The following XPNPEP3 variants were observed in gnomAD, a reference collection of about 807,000 sequenced individuals.
The protein encoded by XPNPEP3 is xaa-Pro aminopeptidase 3.
Under a neutral mutation model 60.0 loss-of-function variants are expected in XPNPEP3, and 41 were observed. That is an observed-to-expected ratio of 0.68 (90% CI 0.53 to 0.89). XPNPEP3 has a LOEUF of 0.89. Among genes scored for constraint, XPNPEP3 ranks in the 40% least tolerant of loss-of-function variants. XPNPEP3 has a pLI of 0.00. For missense variants in XPNPEP3, 598 were observed against 638.9 expected (o/e 0.94, Z 0.69); for synonymous variants, 212 against 223.2 (o/e 0.95, Z 0.45).
chr22:40,907,527 T>C (rs2058161096), intron 4 of XPNPEP3, 60 bp from the exon 5 acceptor site: 1 of 1,536,834 alleles, frequency 6.5e-7, no homozygotes, highest in South Asian at 1.1e-5. Context: ...GTATTTTGAA[T>C]GTTTGAGTAA....
At chr22:40,882,267 G>A (rs967736855) in intron 3 of XPNPEP3, 90 bp downstream of exon 3, 5 of 1,393,202 alleles carry the variant, frequency 3.6e-6, no homozygotes, top group Middle Eastern at 1.9e-4. Flanking sequence ...TTTTGTTATC[G>A]TAGCACCACC....
At chr22:40,910,301 G>C (rs1403972931) in intron 6 of XPNPEP3, among the ~76,000 whole-genome samples, 3 of 152,054 alleles carry the variant, frequency 2.0e-5, no homozygotes, top group Non-Finnish European at 2.9e-5. Context: ...AGAAATAGTT[G>C]TATTACATAT....
chr22:40,857,283 C>T (rs1223658123), intron 1 of XPNPEP3, 38 bp downstream of exon 1: 3 of 1,611,974 alleles, frequency 1.9e-6, no homozygotes, highest in East Asian at 2.2e-5. Flanking sequence ...CCATGGTGTC[C>T]CCTGGAGGGA....
intron 4 of XPNPEP3, among the ~76,000 whole-genome samples, chr22:40,898,019 C>T (rs923057767): frequency 2.0e-5 from 3 of 151,778 alleles, no homozygotes; most frequent in Non-Finnish European, 4.4e-5. Context: ...CAAATATTCT[C>T]CCATTATGAG....
At chr22:40,899,827 A>G (rs576632167) in intron 4 of XPNPEP3, among the ~76,000 whole-genome samples, 1 of 146,826 alleles carries the variant, frequency 6.8e-6, no homozygotes, top group African/African-American at 2.4e-5. Context: ...CAAAAAAAAA[A>G]AAAAAAAAAA....
chr22:40,869,969 C>T, intron 2 of XPNPEP3: 1 of 454,892 alleles, frequency 2.2e-6, no homozygotes, highest in African/African-American at 2.0e-5. Flanking sequence ...GAAATATGTT[C>T]CTTTTTCACT....
intron 7 of XPNPEP3, 61 bp downstream of exon 7, chr22:40,914,385 C>A: frequency 1.4e-6 from 2 of 1,392,290 alleles, no homozygotes; most frequent in South Asian, 1.2e-5. Flanking sequence ...TGGAATATGG[C>A]TATATTTGGA....
chr22:40,920,390 G>A (rs1390367637), intron 7 of XPNPEP3, among the ~76,000 whole-genome samples: 1 of 152,016 alleles, frequency 6.6e-6, no homozygotes, highest in Non-Finnish European at 1.5e-5. Context: ...AAAAAGAAAT[G>A]AACATGAGGA....
Position 40,890,413 on chromosome 22 carries a change from G to GTGGT in XPNPEP3, c.792+3899_792+3902dup, listed in dbSNP as rs549575029. On this transcript the variant is annotated intron_variant, in intron 4 of 9. Transcript: ENST00000357137. ...AAAAATTTTTTTAAAATAGCCAAGT[G>GTGGT]TGGTGGTCCCAACTGCTTGGGAGGC... 8.3e-3 allele frequency among the ~76,000 whole-genome samples: 1,261 copies of GTGGT among 151,738 alleles called. 19 individuals are homozygous for GTGGT. Among genetic ancestry groups the GTGGT allele is most frequent in the African/African-American group, 0.029 (1,198 of 41,346 alleles).
intron 6 of XPNPEP3, 48 bp from the exon 7 acceptor site, chr22:40,914,191 C>A: frequency 2.1e-6 from 3 of 1,431,136 alleles, no homozygotes; most frequent in Non-Finnish European, 3.0e-6. Flanking sequence ...CTAGAAACAA[C>A]TTATAATCAT....
chr22:40,892,695 C>T (rs2058092663), intron 4 of XPNPEP3, among the ~76,000 whole-genome samples: 1 of 151,994 alleles, frequency 6.6e-6, no homozygotes, highest in Non-Finnish European at 1.5e-5. Context: ...AATTTGGGAC[C>T]CCAAAATATT....
At chr22:40,910,567 G>A (rs561874201) in intron 6 of XPNPEP3, among the ~76,000 whole-genome samples, 193 of 152,018 alleles carry the variant, frequency 1.3e-3, no homozygotes, top group Middle Eastern at 3.4e-3. Flanking sequence ...TGAACCAGGC[G>A]TGATGGTACA....
At chr22:40,882,457 C>T (rs890989825) in intron 3 of XPNPEP3, among the ~76,000 whole-genome samples, 1 of 151,882 alleles carries the variant, frequency 6.6e-6, no homozygotes, top group South Asian at 2.1e-4. Context: ...GCCAACATGG[C>T]GAAACCCCGT....
chr22:40,875,951 C>G (rs2058026241), intron 2 of XPNPEP3, among the ~76,000 whole-genome samples: 1 of 151,940 alleles, frequency 6.6e-6, no homozygotes, highest in South Asian at 2.1e-4. Flanking sequence ...ACCCAGGAGT[C>G]AGAGGTTGCA....
intron 9 of XPNPEP3, among the ~76,000 whole-genome samples, chr22:40,924,772 C>G (rs190573159): frequency 4.5e-4 from 69 of 152,316 alleles, no homozygotes; most frequent in African/African-American, 1.5e-3. Flanking sequence ...ATCCACCTAT[C>G]TCAGTCTCCC....
chr22:40,898,343 T>G (rs2058118032), intron 4 of XPNPEP3, among the ~76,000 whole-genome samples: 1 of 130,990 alleles, frequency 7.6e-6, no homozygotes, highest in Non-Finnish European at 1.5e-5. Context: ...AAGCTCCGCT[T>G]CCCGGGTTCA....
intron 1 of XPNPEP3, chr22:40,861,926 A>G (rs757526795): frequency 7.4e-6 from 12 of 1,613,194 alleles, no homozygotes; most frequent in East Asian, 6.7e-5. Context: ...CCACTTTATG[A>G]TAAGCTTTTT....
chr22:40,893,120 ATATT>A (rs1232761864), intron 4 of XPNPEP3, among the ~76,000 whole-genome samples: 1 of 147,390 alleles, frequency 6.8e-6, no homozygotes, highest in Non-Finnish European at 1.5e-5. Context: ...ATATAAATAT[ATATT>A]ATATATTGTA....
At chr22:40,858,225 C>T (rs927084923) in intron 1 of XPNPEP3, among the ~76,000 whole-genome samples, 3 of 152,120 alleles carry the variant, frequency 2.0e-5, no homozygotes, top group Admixed American at 6.5e-5. Flanking sequence ...CGTGCCTCAG[C>T]CTCCCGAGGT....
Sources: allele counts gnomAD v4.1 joint callset (sites outside exome capture counted in the v4.1 genomes callset), GRCh38; gene constraint gnomAD v4.1.1; transcripts MANE v1.5; gene names NCBI Gene and HGNC (gene_info 2026-07-23, HGNC 2026-07-21).